The following TPD52L3 variants were observed in gnomAD, a reference collection of about 807,000 sequenced individuals.
The protein encoded by TPD52L3 is TPD52 like 3, also known as tumor protein D55.
In TPD52L3, 12 loss-of-function variants were observed where a neutral mutation model predicts 8.7. That is an observed-to-expected ratio of 1.38 (90% CI 0.89 to 2.24). The LOEUF is 2.24. TPD52L3 is among the 30% of genes most tolerant of loss of function. TPD52L3 has a pLI of 0.00. For missense variants in TPD52L3, 207 were observed against 158.7 expected (o/e 1.30, Z -1.64); for synonymous variants, 79 against 66.8 (o/e 1.18, Z -0.89).
rs1818145198 is a variant in TPD52L3, at chr9:6,331,236, T to C, written c.*217T>C. ...CACTTAGACTTTCAAATCATTATAA[T>C]TCAATGAGTCCTAAAATAGAGCTGT... On this transcript the variant is annotated 3_prime_UTR_variant, in exon 2 of 2. Coordinates refer to ENST00000314556, the MANE Select transcript of TPD52L3 (RefSeq NM_001001874.3). 1 of 475,010 alleles carries C rather than the reference T, an allele frequency of 2.1e-6. No individual in the cohort carries two copies. Among genetic ancestry groups the C allele is most frequent in the Non-Finnish European group, 3.8e-6 (1 of 265,386 alleles). 29.4% of individuals were successfully genotyped at this position (475,010 alleles called of 1,614,324 possible).
intron 1 of TPD52L3, chr9:6,330,719 G>T: frequency 2.4e-6 from 3 of 1,260,726 alleles, no homozygotes; most frequent in Non-Finnish European, 3.0e-6. Flanking sequence ...GGCTTTGTAT[G>T]CTGGAGAACA....
chr9:6,329,363 T>G (rs748801936), intron 1 of TPD52L3: 7 of 1,082,986 alleles, frequency 6.5e-6, no homozygotes, highest in Non-Finnish European at 7.9e-6. Context: ...CAAAGTTTTG[T>G]ACCTGGTTAT....
In TPD52L3 at chr9:6,328,885, C is replaced by T. The variant is rs1251072133; in HGVS notation, c.290C>T (p.Ala97Val). The T allele has an allele frequency of 6.2e-7, 1 of 1,614,210 alleles. No homozygotes were observed. ...NTYVKQKTSA[A>V]LSTMGTLICR... Reference sequence around the variant, plus strand: ...TATGTGAAACAGAAGACATCAGCTGCTCTGTCCACCATGGGCACTCTCATC... The same window carrying T: ...TATGTGAAACAGAAGACATCAGCTGTTCTGTCCACCATGGGCACTCTCATC... Residue 97 changes from alanine to valine, a missense_variant, in exon 1 of 2, where the codon GCT (alanine) becomes GTT (valine). Ala to Val is a moderately conservative substitution (Grantham distance 64, BLOSUM62 0). Coordinates refer to ENST00000314556, the MANE Select transcript of TPD52L3 (RefSeq NM_001001874.3).
At chr9:6,329,346 G>C (rs543331140) in intron 1 of TPD52L3, 4 of 1,113,840 alleles carry the variant, frequency 3.6e-6, no homozygotes, top group Admixed American at 4.6e-5. Context: ...TTTTAAGATA[G>C]AGAACCCAAA....
At chr9:6,329,784 G>A in intron 1 of TPD52L3, 1 of 1,036,716 alleles carries the variant, frequency 9.6e-7, no homozygotes, top group Non-Finnish European at 1.2e-6. Context: ...TGTTTTCAAA[G>A]GTCTGGACTA....
At chr9:6,330,053 A>G in intron 1 of TPD52L3, 6 of 1,454,518 alleles carry the variant, frequency 4.1e-6, no homozygotes, top group Non-Finnish European at 5.4e-6. Flanking sequence ...AAATTCAAGA[A>G]AGATAAACCC....
chr9:6,330,132 A>C, intron 1 of TPD52L3: 3 of 1,611,414 alleles, frequency 1.9e-6, no homozygotes, highest in Non-Finnish European at 2.5e-6. Context: ...CTTTGAATGG[A>C]CCTAACTATA....
In TPD52L3 at chr9:6,331,066, C is replaced by T. The variant is rs1261356245; in HGVS notation, c.*47C>T. On this transcript the variant is annotated 3_prime_UTR_variant, in exon 2 of 2. Coordinates refer to ENST00000314556, the MANE Select transcript of TPD52L3 (RefSeq NM_001001874.3). ...AATATGGAATCCAAGAGACTATCAA[C>T]AACATGAACTTGTTCACAAGTTCCT... 13 of 1,575,736 alleles carry T rather than the reference C, an allele frequency of 8.3e-6. No individual in the cohort carries two copies. Among genetic ancestry groups the T allele is most frequent in the Non-Finnish European group, 1.1e-5 (13 of 1,155,510 alleles).
Position 6,331,663 on chromosome 9 carries a change from TA to T in TPD52L3, c.*645del, listed in dbSNP as rs1818152223. ...TAACTATCAAATTTTTGTTTTAGATTACTCTGGTCATCAGAGAAATAGATTA... is the reference window on the plus strand; with the variant it reads ...TAACTATCAAATTTTTGTTTTAGATTCTCTGGTCATCAGAGAAATAGATTA... On this transcript the variant is annotated 3_prime_UTR_variant, in exon 2 of 2. Coordinates refer to ENST00000314556, the MANE Select transcript of TPD52L3 (RefSeq NM_001001874.3). 1 of 152,204 alleles carries T rather than the reference TA, an allele frequency of 6.6e-6. No individual in the cohort carries two copies. Among genetic ancestry groups the T allele is most frequent in the Non-Finnish European group, 1.5e-5 (1 of 68,038 alleles). The allele number at this position is 152,204 out of a possible 1,614,324, so 9.4% of individuals were successfully genotyped here.
Position 6,328,492 on chromosome 9 carries a change from T to G in TPD52L3, c.-104T>G. ...GAGTCTGAGCCTGCAGGCCTAGATT[T>G]CGACTCTGCTGGCCAAGATTATTTC... On this transcript the variant is annotated 5_prime_UTR_variant, in exon 1 of 2. Transcript: ENST00000314556. 7.1e-7 allele frequency: 1 copy of G among 1,412,356 alleles called. No homozygotes were observed. Among genetic ancestry groups the G allele is most frequent in the South Asian group, 1.4e-5 (1 of 73,008 alleles). 87.5% of individuals were successfully genotyped at this position (1,412,356 alleles called of 1,614,324 possible).
In TPD52L3 at chr9:6,328,541, T is replaced by A; in HGVS notation, c.-55T>A. The A allele has an allele frequency of 6.4e-7, 1 of 1,568,004 alleles. No individual in the cohort carries two copies. Among genetic ancestry groups the A allele is most frequent in the Non-Finnish European group, 8.6e-7 (1 of 1,161,260 alleles). On this transcript the variant is annotated 5_prime_UTR_variant, in exon 1 of 2. Coordinates refer to ENST00000314556, the MANE Select transcript of TPD52L3 (RefSeq NM_001001874.3). ...TCTCTGCAGCCCAATAATTCGACTC[T>A]TTCTACCAAGAATTGGACCTGGACT...
chr9:6,330,499 T>C, intron 1 of TPD52L3: 1 of 1,257,732 alleles, frequency 8.0e-7, no homozygotes, highest in Non-Finnish European at 1.0e-6. Context: ...TTTTGTTGAC[T>C]CTTGAATGCT....
At position 6,331,477 on chromosome 9, in the gene TPD52L3, AG is replaced by A. The variant is rs1171739976; in HGVS notation, c.*462del. The A allele has an allele frequency of 2.0e-5, 3 of 153,144 alleles. No individual in the cohort carries two copies. The highest frequency in any genetic ancestry group is 2.0e-4 in the Admixed American group (3 of 15,344). 9.5% of individuals were successfully genotyped at this position (153,144 alleles called of 1,614,324 possible). ...GAACTAACACTGTGGCTAGAGAGGA[AG>A]GGGAAATGGTGTTACATGAGTGAGG... is the stretch of plus-strand genomic sequence containing the variant. On this transcript the variant is annotated 3_prime_UTR_variant, in exon 2 of 2. Coordinates refer to ENST00000314556, the MANE Select transcript of TPD52L3 (RefSeq NM_001001874.3).
At chr9:6,329,251 A>G (rs545121322) in intron 1 of TPD52L3, 3 of 1,344,356 alleles carry the variant, frequency 2.2e-6, no homozygotes, top group East Asian at 5.7e-5. Context: ...CAACAAAAAC[A>G]AGCAAGCAAA....
chr9:6,329,971 T>C (rs978043293), intron 1 of TPD52L3: 109 of 1,321,620 alleles, frequency 8.2e-5, no homozygotes, highest in African/African-American at 2.0e-4. Flanking sequence ...AAGGAAGAAA[T>C]TGCCTCTCTG....
chr9:6,328,445 G>C lies in TPD52L3; in HGVS notation c.-151G>C, dbSNP rs1818057554. 1.0e-6 allele frequency: 1 copy of C among 958,146 alleles called. No individual in the cohort carries two copies. The highest frequency in any genetic ancestry group is 2.4e-5 in the Admixed American group (1 of 41,690). 59.4% of individuals were successfully genotyped at this position (958,146 alleles called of 1,614,324 possible). On this transcript the variant is annotated 5_prime_UTR_variant, in exon 1 of 2. Transcript: ENST00000314556. ...GCTGGGCCATGGATCCCTCCCGCCT[G>C]AAATCTGACTCCACCTGCCAAGAGT...
chr9:6,329,050 C>G, intron 1 of TPD52L3, 88 bp downstream of exon 1: 1 of 1,601,626 alleles, frequency 6.2e-7, no homozygotes. Flanking sequence ...TGGGGTTGAT[C>G]TGCTCTCAGT....
Position 6,330,029 on chromosome 9 carries a change from A to G in TPD52L3, c.368-947A>G, listed in dbSNP as rs1587715568. On this transcript the variant is annotated intron_variant, in intron 1 of 1. Transcript: ENST00000314556. ...CACCTCCAGCTGAGGGGCTGGAGGA[A>G]AACAGGTATAGCCAAATTCAAGAAA... The G allele has an allele frequency of 5.0e-6, 7 of 1,397,714 alleles. No homozygotes were observed. The East Asian group carries it at 1.8e-4, about 36-fold the overall frequency. The allele number at this position is 1,397,714 out of a possible 1,614,324, so 86.6% of individuals were successfully genotyped here.
chr9:6,329,377 T>C, intron 1 of TPD52L3: 1 of 1,073,344 alleles, frequency 9.3e-7, no homozygotes. Context: ...TGGTTATTTT[T>C]CACTTAAGTT....
Sources: gnomAD v4.1 joint callset for allele counts on GRCh38, gnomAD v4.1.1 for gene constraint, MANE v1.5 for transcripts, NCBI Gene and HGNC (gene_info 2026-07-23, HGNC 2026-07-21) for gene names.